The following SNX10 variants were observed in gnomAD, a reference collection of about 807,000 sequenced individuals.
The protein encoded by SNX10 is sorting nexin 10, also known as sorting nexin-10.
Under a neutral mutation model 28.5 loss-of-function variants are expected in SNX10, and 25 were observed. That is an observed-to-expected ratio of 0.88 (90% CI 0.64 to 1.22). The LOEUF (loss-of-function observed/expected upper bound fraction) is 1.22. Among genes scored for constraint, SNX10 ranks in the 50% most tolerant of loss-of-function variants. SNX10 has a pLI of 0.00. For synonymous variants in SNX10, 62 were observed against 81.4 expected (o/e 0.76, Z 1.28); for missense variants, 223 against 242.6 (o/e 0.92, Z 0.54).
intron 1 of SNX10, among the ~76,000 whole-genome samples, chr7:26,345,572 C>T (rs1259090079): frequency 2.0e-5 from 3 of 152,122 alleles, no homozygotes; most frequent in African/African-American, 7.2e-5. Flanking sequence ...TTCCTGCTTC[C>T]CTGTGTTCCC....
At chr7:26,330,357 G>T (rs1171844882) in intron 1 of SNX10, among the ~76,000 whole-genome samples, 1 of 152,066 alleles carries the variant, frequency 6.6e-6, no homozygotes, top group Non-Finnish European at 1.5e-5. Context: ...TTCTTGGTAG[G>T]TTATTGTCTG....
At chr7:26,297,684 T>C (rs998053098) in intron 1 of SNX10, among the ~76,000 whole-genome samples, 2 of 152,146 alleles carry the variant, frequency 1.3e-5, no homozygotes, top group African/African-American at 4.8e-5. Flanking sequence ...TTTCAGGGCC[T>C]TCCATACCTG....
chr7:26,324,212 G>C (rs1787410672), intron 1 of SNX10, among the ~76,000 whole-genome samples: 1 of 152,052 alleles, frequency 6.6e-6, no homozygotes, highest in African/African-American at 2.4e-5. Flanking sequence ...TTGAAGAAGA[G>C]AAAATGTAGG....
chr7:26,341,814 A>G (rs540681382), intron 1 of SNX10, among the ~76,000 whole-genome samples: 2 of 152,024 alleles, frequency 1.3e-5, no homozygotes, highest in South Asian at 4.2e-4. Context: ...ACAGACACAT[A>G]AGGTAGCCTG....
At chr7:26,338,407 C>G (rs1449931600) in intron 1 of SNX10, among the ~76,000 whole-genome samples, 5 of 152,026 alleles carry the variant, frequency 3.3e-5, no homozygotes, top group African/African-American at 4.8e-5. Context: ...TACGCAGACC[C>G]CGCTGTGTGG....
intron 2 of SNX10, among the ~76,000 whole-genome samples, chr7:26,353,360 A>T (rs543870511): frequency 4.0e-5 from 6 of 151,374 alleles, no homozygotes; most frequent in Middle Eastern, 3.4e-3. Flanking sequence ...AGTATATGAA[A>T]TGTGCTAGAT....
At chr7:26,302,537 C>T (rs184488275) in intron 1 of SNX10, among the ~76,000 whole-genome samples, 4 of 152,324 alleles carry the variant, frequency 2.6e-5, no homozygotes, top group Admixed American at 1.3e-4. Context: ...AAGCACAGTA[C>T]GCCCCAGCCT....
intron 1 of SNX10, among the ~76,000 whole-genome samples, chr7:26,310,770 C>T (rs1034410239): frequency 1.3e-5 from 2 of 151,758 alleles, no homozygotes; most frequent in African/African-American, 4.8e-5. Context: ...CAAGCTCCGC[C>T]TCCTGGGGTT....
Position 26,364,777 on chromosome 7 carries a change from C to G in SNX10, c.212+142C>G. 1.5e-6 allele frequency: 1 copy of G among 663,720 alleles called. No individual in the cohort carries two copies. The highest frequency in any genetic ancestry group is 2.5e-6 in the Non-Finnish European group (1 of 399,036). 41.1% of individuals were successfully genotyped at this position (663,720 alleles called of 1,614,324 possible). A position where few individuals can be genotyped will look rare whatever the true frequency, so the allele number is the denominator to read the frequency against. ...ATATGTAGCTTTAGTTTCTTAGCTACTGCATCTGAATTTAAAATTTATCAC... is the reference window on the plus strand; with the variant it reads ...ATATGTAGCTTTAGTTTCTTAGCTAGTGCATCTGAATTTAAAATTTATCAC... On this transcript the variant is annotated intron_variant, in intron 4 of 6. Transcript: ENST00000338523. The surrounding 1 kb of genome is among the most constrained non-coding windows in gnomAD (Gnocchi z 4.9).
In SNX10 at chr7:26,312,939, G is replaced by A. The variant is rs1786908784; in HGVS notation, c.-24+20853G>A. Among the ~76,000 whole-genome samples, 5 of 152,176 alleles carry A rather than the reference G, an allele frequency of 3.3e-5. No individual in the cohort carries two copies. The South Asian group carries it at 1.0e-3, about 32-fold the overall frequency. ...CATTTTGCAAACGGATCATGTTAGG[G>A]AAGATACAGGAAAACAACCCACTCA... On this transcript the variant is annotated intron_variant, in intron 1 of 6. Transcript: ENST00000338523.
At chr7:26,331,979 G>T (rs1186891630) in intron 1 of SNX10, among the ~76,000 whole-genome samples, 4 of 152,184 alleles carry the variant, frequency 2.6e-5, no homozygotes, top group Non-Finnish European at 5.9e-5. Flanking sequence ...CCATTGAGTA[G>T]ATATACCGCA....
intron 2 of SNX10, among the ~76,000 whole-genome samples, chr7:26,347,592 G>T (rs1006586787): frequency 6.6e-6 from 1 of 152,188 alleles, no homozygotes; most frequent in Non-Finnish European, 1.5e-5. Flanking sequence ...ACTCATGCCT[G>T]TAATCCCAGC....
intron 5 of SNX10, among the ~76,000 whole-genome samples, chr7:26,370,199 C>T (rs1353463952): frequency 5.9e-5 from 9 of 152,214 alleles, no homozygotes; most frequent in Non-Finnish European, 8.8e-5. Context: ...ACAGACTTCA[C>T]GATCCAAGTT....
chr7:26,326,155 C>T (rs1003832392), intron 1 of SNX10, among the ~76,000 whole-genome samples: 9 of 152,164 alleles, frequency 5.9e-5, no homozygotes, highest in East Asian at 1.9e-4. Context: ...TATGCCATTT[C>T]GTTAACGAGA....
At chr7:26,337,129 T>C (rs554705989) in intron 1 of SNX10, among the ~76,000 whole-genome samples, 5 of 152,378 alleles carry the variant, frequency 3.3e-5, no homozygotes, top group African/African-American at 1.2e-4. Context: ...CAGAAATTTC[T>C]AATTTTAAAG....
intron 2 of SNX10, chr7:26,360,748 C>T: frequency 8.8e-7 from 1 of 1,133,894 alleles, no homozygotes; most frequent in Non-Finnish European, 1.2e-6. Context: ...GTGCTCCCAC[C>T]TCAGTGTTGC....
chr7:26,370,463 C>A (rs1789475564), intron 5 of SNX10: 1 of 152,126 alleles, frequency 6.6e-6, no homozygotes, highest in African/African-American at 2.4e-5. Context: ...TTTTAAAAAG[C>A]ACAAAGGTTT....
intron 1 of SNX10, among the ~76,000 whole-genome samples, chr7:26,307,928 A>G (rs111982506): frequency 2.6e-4 from 40 of 152,142 alleles, no homozygotes; most frequent in African/African-American, 9.2e-4. Context: ...CTCCCTGGCA[A>G]TCCTTCCAAC....
chr7:26,301,019 CA>C (rs1170123330), intron 1 of SNX10, among the ~76,000 whole-genome samples: 29 of 9,996 alleles, frequency 2.9e-3, no homozygotes, highest in African/African-American at 4.8e-3. Flanking sequence ...ACTCTGTCTC[CA>C]AAAAAAAAAA....
Sources: gnomAD v4.1 joint callset for allele counts (sites outside exome capture counted in the v4.1 genomes callset) on GRCh38, gnomAD v4.1.1 for gene constraint, Gnocchi (gnomAD v3.1) non-coding constraint, MANE v1.5 for transcripts, NCBI Gene and HGNC (gene_info 2026-07-23, HGNC 2026-07-21) for gene names.